The following TET1 variants were observed in gnomAD, a reference collection of about 807,000 sequenced individuals.
The protein encoded by TET1 is tet methylcytosine dioxygenase 1.
A neutral mutation model predicts 148.7 loss-of-function variants in TET1; 13 were observed. The ratio of observed to expected loss-of-function variants is 0.09; its 90% CI spans 0.06 to 0.14. TET1 has a LOEUF of 0.14. Among genes scored for constraint, TET1 ranks in the 10% least tolerant of loss-of-function variants. The probability of loss-of-function intolerance (pLI) is 1.00; values close to 1 mark genes in which losing one functional copy is unlikely to be tolerated. For missense variants in TET1, 2,182 were observed against 2,553.8 expected, an observed-to-expected ratio of 0.85 and a Z score of 3.14; for synonymous variants, 907 against 937.2, an observed-to-expected ratio of 0.97 and a Z score of 0.59.
At chr10:68,612,385 C>G (rs1346640209) in intron 3 of TET1, among the ~76,000 whole-genome samples, 1 of 151,938 alleles carries the variant, frequency 6.6e-6, no homozygotes, top group Non-Finnish European at 1.5e-5. Context: ...CCACCGGGCC[C>G]GGCCAGTCAT....
At chr10:68,633,590 C>T in intron 3 of TET1, among the ~76,000 whole-genome samples, 1 of 151,840 alleles carries the variant, frequency 6.6e-6, no homozygotes, top group East Asian at 1.9e-4. Flanking sequence ...CGGTTTTTGC[C>T]ATTACTTGTA....
intron 2 of TET1, among the ~76,000 whole-genome samples, chr10:68,575,556 G>C (rs943694017): frequency 6.6e-6 from 1 of 151,494 alleles, no homozygotes; most frequent in Non-Finnish European, 1.5e-5. Context: ...TACAAAATTA[G>C]CTGGGCATAG....
At chr10:68,561,222 G>A (rs998291076) in intron 1 of TET1, among the ~76,000 whole-genome samples, 8 of 152,164 alleles carry the variant, frequency 5.3e-5, no homozygotes, top group African/African-American at 1.9e-4. Context: ...GCTGTCCCGT[G>A]CTCAAGCGTA....
rs892239157 is a variant in TET1 at position 68,657,042 on chromosome 10, T to A, written c.4461+4448T>A. ...CTAGCTCCAAAAAAAAAAAAAAAAA[T>A]TTCCCATTTGGGTGCGGTGGCTCAT... On this transcript the variant is annotated intron_variant, in intron 6 of 11. Transcript: ENST00000373644. Among the ~76,000 whole-genome samples the A allele has an allele frequency of 9.2e-3, 1,211 of 131,332 alleles. 23 individuals carry two copies. The highest frequency in any genetic ancestry group is 0.035 in the African/African-American group (1,141 of 32,296). The allele number at this position is 131,332 out of a possible 152,430, so 86.2% of individuals were successfully genotyped here.
Position 68,691,227 on chromosome 10 carries a change from C to G in TET1, c.5824C>G (p.Gln1942Glu). The G allele has an allele frequency of 6.2e-7, 1 of 1,614,148 alleles. No homozygotes were observed. Among genetic ancestry groups the G allele is most frequent in the Non-Finnish European group, 8.5e-7 (1 of 1,180,026 alleles). The change falls in exon 12 of 12, where the codon CAG becomes GAG. Residue 1942 changes from glutamine (Q) to glutamate (E), a missense_variant. Around this residue, in one of 11 missense-constraint regions of TET1, gnomAD observed 380 missense variants for 387.9 expected, o/e 0.98. Coordinates refer to ENST00000373644, the MANE Select transcript of TET1 (RefSeq NM_030625.3). The surrounding 1 kb of genome is among the most constrained non-coding windows in gnomAD (Gnocchi z 4.4). The part of the protein sequence containing the change: ...EPLTPHQPNH[Q>E]PSFLTSPQDL... Reference sequence around the variant, plus strand: ...GCTAACGCCTCATCAGCCAAACCACCAGCCCTCCTTCCTCACCTCTCCTCA... The same window carrying G: ...GCTAACGCCTCATCAGCCAAACCACGAGCCCTCCTTCCTCACCTCTCCTCA...
chr10:68,693,152 A>G lies in TET1; in HGVS notation c.*1338A>G, dbSNP rs1040818406. On this transcript the variant is annotated 3_prime_UTR_variant, in exon 12 of 12. Coordinates refer to ENST00000373644, the MANE Select transcript of TET1 (RefSeq NM_030625.3). ...ATTGCCTATGTTCTAGGTAACAGGA[A>G]AACAGGCATTAAGTTTATTTTAGTC... 4 of 231,400 alleles carry G rather than the reference A, an allele frequency of 1.7e-5. No individual in the cohort carries two copies. The highest frequency in any genetic ancestry group is 5.7e-5 in the Admixed American group (1 of 17,534). The allele number at this position is 231,400 out of a possible 1,614,324, so 14.3% of individuals were successfully genotyped here. A position where few individuals can be genotyped will look rare whatever the true frequency, so the allele number is the denominator to read the frequency against.
chr10:68,691,706 G>T lies in TET1; in HGVS notation c.6303G>T (p.Leu2101Phe). The T allele has an allele frequency of 6.2e-7, 1 of 1,614,160 alleles. No individual in the cohort carries two copies. The change falls in exon 12 of 12, where the codon TTG (leucine) becomes TTT (phenylalanine). Residue 2101 changes from leucine to phenylalanine, a missense_variant. Leu to Phe is a conservative substitution (Grantham distance 22). Around this residue, in one of 11 missense-constraint regions of TET1, gnomAD observed 54 missense variants for 44.4 expected, o/e 1.22. Transcript: ENST00000373644. The surrounding 1 kb of genome is among the most constrained non-coding windows in gnomAD (Gnocchi z 4.4). ...AACAGTCCTCTGAAGTAAATGAATT[G>T]AACCAAATTCCTTCTCATAAAGCAT... ...GPEQSSEVNE[L>F]NQIPSHKALT...
chr10:68,662,206 A>G (rs1421647420), intron 6 of TET1, among the ~76,000 whole-genome samples: 1 of 151,772 alleles, frequency 6.6e-6, no homozygotes, highest in Non-Finnish European at 1.5e-5. Flanking sequence ...GCGGGATTTC[A>G]CCATGTTGGC....
At chr10:68,624,099 C>CTTT (rs773374173) in intron 3 of TET1, among the ~76,000 whole-genome samples, 9,072 of 147,702 alleles carry the variant, frequency 0.061, 366 homozygotes, top group Non-Finnish European at 0.079. Context: ...TTCTTTCTTT[C>CTTT]TTTTCTTTTT....
chr10:68,686,503 A>G lies in TET1; in HGVS notation c.5200A>G (p.Ile1734Val). The G allele has an allele frequency of 1.2e-6, 2 of 1,614,160 alleles. No homozygotes were observed. The highest frequency in any genetic ancestry group is 1.7e-6 in the Non-Finnish European group (2 of 1,180,036). Reference sequence around the variant, plus strand: ...GGAAGCCAAGATCAAATCTGGGGCCATCGAGGTCCTGGCACCCCGCCGCAA... The same window carrying G: ...GGAAGCCAAGATCAAATCTGGGGCCGTCGAGGTCCTGGCACCCCGCCGCAA... ...GMEAKIKSGAIEVLAPRRKKR... is the reference protein window; with the variant it reads ...GMEAKIKSGAVEVLAPRRKKR... The change falls in exon 11 of 12, where the codon ATC becomes GTC. Residue 1734 changes from isoleucine (I) to valine (V), a missense_variant. Ile to Val is a conservative substitution (Grantham distance 29). Transcript: ENST00000373644.
chr10:68,621,161 C>T (rs1014643486), intron 3 of TET1, among the ~76,000 whole-genome samples: 4 of 152,186 alleles, frequency 2.6e-5, no homozygotes, highest in African/African-American at 9.6e-5. Context: ...GTTGGCCAGG[C>T]ATGGTGGCTC....
Position 68,644,799 on chromosome 10 carries a change from T to C in TET1, c.2070T>C (p.His690=), listed in dbSNP as rs759332781. 4.3e-6 allele frequency: 7 copies of C among 1,613,888 alleles called. No individual in the cohort carries two copies. The African/African-American group carries it at 6.7e-5, about 15-fold the overall frequency. ...AACAAAAATTGGAATTGAACCCACA[T>C]ACTGTTGAAAATGTAACTAAAAATG... ...GEEQKLELNP[H]TVENVTKNED... Residue 690 remains histidine, a synonymous_variant, in exon 4 of 12, where the codon CAT becomes CAC. Transcript: ENST00000373644.
chr10:68,660,573 C>T (rs139122978), intron 6 of TET1, among the ~76,000 whole-genome samples: 2,222 of 150,962 alleles, frequency 0.015, 47 homozygotes, highest in African/African-American at 0.051. Context: ...AACTCCTGAC[C>T]TCAGGTGATC....
At chr10:68,642,374 C>T (rs899502703) in intron 3 of TET1, among the ~76,000 whole-genome samples, 1 of 151,884 alleles carries the variant, frequency 6.6e-6, no homozygotes, top group Admixed American at 6.6e-5. Context: ...TTCGAGGCTA[C>T]AGTGAGCCGT....
At chr10:68,598,352 T>A (rs1159407778) in intron 2 of TET1, among the ~76,000 whole-genome samples, 4 of 152,134 alleles carry the variant, frequency 2.6e-5, no homozygotes, top group Admixed American at 2.0e-4. Flanking sequence ...GATCGCACCA[T>A]TGCATCTAGG....
intron 1 of TET1, among the ~76,000 whole-genome samples, chr10:68,567,681 A>G (rs1590153827): frequency 6.6e-6 from 1 of 151,046 alleles, no homozygotes; most frequent in African/African-American, 2.4e-5. Flanking sequence ...GGAATTGGAG[A>G]CCAGCCTGCT....
intron 7 of TET1, among the ~76,000 whole-genome samples, 176 bp from the exon 8 acceptor site, chr10:68,672,719 C>A (rs949296160): frequency 6.6e-6 from 1 of 151,918 alleles, no homozygotes; most frequent in Non-Finnish European, 1.5e-5. Context: ...CTTGAAAAAA[C>A]AAAAGTTAGC....
At chr10:68,582,624 A>G (rs1349711838) in intron 2 of TET1, among the ~76,000 whole-genome samples, 2 of 152,178 alleles carry the variant, frequency 1.3e-5, no homozygotes, top group East Asian at 3.8e-4. Context: ...CTGTCATTTC[A>G]GAATTACTTG....
rs781661899 is a variant in TET1 at position 68,691,137 on chromosome 10, A to C, written c.5734A>C (p.Thr1912Pro). ...SQLGEVAPLP[T>P]LSAPVMEPLI... ...GCTTGGCGAAGTGGCTCCTCTCCCC[A>C]CCCTGTCTGCTCCTGTGATGGAGCC... Residue 1912 changes from threonine to proline, a missense_variant, in exon 12 of 12, where the codon ACC becomes CCC. Physicochemically the swap from Thr to Pro is conservative, Grantham distance 38. Transcript: ENST00000373644. The surrounding 1 kb of genome is among the most constrained non-coding windows in gnomAD (Gnocchi z 4.4). 2.5e-6 allele frequency: 4 copies of C among 1,613,666 alleles called. No individual in the cohort carries two copies.
Sources: gnomAD v4.1 joint callset for allele counts (sites outside exome capture counted in the v4.1 genomes callset) on GRCh38, gnomAD v4.1.1 for gene constraint, gnomAD v4.1.1 regional missense constraint, Gnocchi (gnomAD v3.1) non-coding constraint, MANE v1.5 for transcripts, NCBI Gene and HGNC (gene_info 2026-07-23, HGNC 2026-07-21) for gene names.